Variants in DMD observed in about 807,000 individuals in gnomAD.
The protein encoded by DMD is dystrophin.
DMD carries 63 observed loss-of-function variants against 330.1 expected under a neutral mutation model. The ratio of observed to expected loss-of-function variants is 0.19; its 90% CI spans 0.16 to 0.24. The LOEUF (loss-of-function observed/expected upper bound fraction) is 0.24. Ranked by LOEUF, DMD falls within the 10% of genes least tolerant of loss-of-function variation. DMD has a pLI of 1.00. For missense variants in DMD, 3,344 were observed against 2,684.1 expected, an observed-to-expected ratio of 1.25 and a Z score of -5.43; for synonymous variants, 1,223 against 959.8, an observed-to-expected ratio of 1.27 and a Z score of -5.07.
At chrX:32,773,272 TTA>T (rs1169808066) in intron 7 of DMD, among the ~76,000 whole-genome samples, 1 of 111,564 alleles carries the variant, frequency 9.0e-6, no homozygotes, top group Non-Finnish European at 1.9e-5. Flanking sequence ...GTTAATTATT[TTA>T]GTTATTATGA....
intron 9 of DMD, among the ~76,000 whole-genome samples, chrX:32,668,510 G>C (rs371996314): frequency 8.9e-6 from 1 of 112,002 alleles, no homozygotes; most frequent in African/African-American, 3.2e-5. Flanking sequence ...TCGCATCTCT[G>C]CATTATTCAC....
intron 2 of DMD, among the ~76,000 whole-genome samples, chrX:33,008,284 G>T (rs1447871285): frequency 9.0e-6 from 1 of 111,488 alleles, no homozygotes; most frequent in African/African-American, 3.3e-5. Context: ...CCCTCCATGT[G>T]CATTACAAGA....
chrX:32,322,192 C>A (rs1384705545), intron 41 of DMD, among the ~76,000 whole-genome samples: 1 of 111,159 alleles, frequency 9.0e-6, no homozygotes, highest in Admixed American at 9.6e-5. Context: ...ATAATTAAAA[C>A]AATCATAATA....
At chrX:31,576,861 G>A (rs1266922711) in intron 55 of DMD, among the ~76,000 whole-genome samples, 4 of 108,986 alleles carry the variant, frequency 3.7e-5, no homozygotes, top group African/African-American at 6.7e-5. Context: ...GACTACAGGC[G>A]CCCACCACCA....
At chrX:32,596,133 C>T (rs765412414) in intron 12 of DMD, among the ~76,000 whole-genome samples, 1 of 110,424 alleles carries the variant, frequency 9.1e-6, no homozygotes, top group South Asian at 3.9e-4. Flanking sequence ...CCTTCTCATC[C>T]CACCCCCTTT....
In DMD at chrX:31,893,752, A is replaced by T. The variant is rs149470105; in HGVS notation, c.6913-18379T>A. 6.7e-3 allele frequency among the ~76,000 whole-genome samples: 748 copies of T among 110,924 alleles called. 5 individuals are homozygous for T. The highest frequency in any genetic ancestry group is 0.015 in the South Asian group (38 of 2,580). On this transcript the variant is annotated intron_variant, in intron 47 of 78. Coordinates refer to ENST00000357033, the MANE Select transcript of DMD (RefSeq NM_004006.3). Reference sequence around the variant, plus strand: ...GAGGGATTACACTAGTGCTGCATGCAGGGGAAGGGACAGTAACTAACAGAG... The same window carrying T: ...GAGGGATTACACTAGTGCTGCATGCTGGGGAAGGGACAGTAACTAACAGAG...
rs200045221 is a variant in DMD, at chrX:32,737,308, A to C, written c.650-38015T>G. Among the ~76,000 whole-genome samples, 3 of 111,584 alleles carry C rather than the reference A, an allele frequency of 2.7e-5. No individual in the cohort carries two copies. In the East Asian group the frequency reaches 8.4e-4, roughly 31 times the overall value. ...AAACTCCATTTTACCTTGAACACAA[A>C]GTAATGTGATTTAGTGTGAGGAAAG... On this transcript the variant is annotated intron_variant, in intron 7 of 78. Transcript: ENST00000357033.
chrX:32,738,149 G>A (rs990864470), intron 7 of DMD, among the ~76,000 whole-genome samples: 1 of 111,898 alleles, frequency 8.9e-6, no homozygotes, highest in East Asian at 2.8e-4. Context: ...AGGGTTACCA[G>A]TGACTTGGTT....
Position 31,929,596 on chromosome X carries a change from C to A in DMD, c.6912G>T (p.Lys2304Asn), listed in dbSNP as rs201598139. 1 of 1,208,888 alleles carries A rather than the reference C, an allele frequency of 8.3e-7. No individual in the cohort carries two copies. The highest frequency in any genetic ancestry group is 1.1e-6 in the Non-Finnish European group (1 of 894,788). Residue 2304 changes from lysine (K) to asparagine (N), a missense_variant and splice_region_variant, in exon 47 of 79, where the codon AAG becomes AAT. By Grantham distance (94) the Lys-to-Asn change is moderately conservative. Transcript: ENST00000357033. ...ACGGAAGAGATGGTTAATGTCTAAC[C>A]TTTATCCACTGGAGATTTGTCTGCT... The part of the protein sequence containing the change: ...KLKQTNLQWI[K>N]VSRALPEKQG...
In DMD at chrX:32,665,622, G is replaced by T. The variant is rs188598650; in HGVS notation, c.961-20470C>A. 7.2e-5 allele frequency among the ~76,000 whole-genome samples: 8 copies of T among 111,885 alleles called. No individual in the cohort carries two copies. In the Admixed American group the frequency reaches 7.6e-4, roughly 11 times the overall value. ...AAGAGCTGCCCTCAAGGAAATCATA[G>T]TCCAGTGGAGGAAACCTACAAGTAA... On this transcript the variant is annotated intron_variant, in intron 9 of 78. Coordinates refer to ENST00000357033, the MANE Select transcript of DMD (RefSeq NM_004006.3).
chrX:31,587,685 T>G (rs944133109), intron 55 of DMD, among the ~76,000 whole-genome samples: 1 of 111,579 alleles, frequency 9.0e-6, no homozygotes, highest in Non-Finnish European at 1.9e-5. Flanking sequence ...TCCTCTCACT[T>G]AGCTCCATTC....
At chrX:32,582,796 C>A (rs555821175) in intron 13 of DMD, among the ~76,000 whole-genome samples, 16 of 111,956 alleles carry the variant, frequency 1.4e-4, no homozygotes, top group African/African-American at 5.2e-4. Context: ...TCTTAGAGCG[C>A]TTACTTTAGG....
chrX:32,415,478 A>T (rs1464067835), intron 29 of DMD, among the ~76,000 whole-genome samples: 2 of 112,164 alleles, frequency 1.8e-5, no homozygotes, highest in Non-Finnish European at 3.8e-5. Flanking sequence ...TTCTATTTCT[A>T]AACATCTGAT....
intron 2 of DMD, among the ~76,000 whole-genome samples, chrX:32,966,650 G>T (rs2092167575): frequency 9.0e-6 from 1 of 111,448 alleles, no homozygotes; most frequent in South Asian, 3.8e-4. Flanking sequence ...ACCAAGCAAA[G>T]CACCAAACAG....
chrX:32,150,349 G>A lies in DMD; in HGVS notation c.6438+66567C>T, dbSNP rs1031435696. On this transcript the variant is annotated intron_variant, in intron 44 of 78. Coordinates refer to ENST00000357033, the MANE Select transcript of DMD (RefSeq NM_004006.3). ...ATGGAATGTAATACTGTGAAGAACT[G>A]ACAGCACCTGGCACATGAAAACATC... Among the ~76,000 whole-genome samples the A allele has an allele frequency of 3.6e-5, 4 of 112,347 alleles. No individual in the cohort carries two copies. In the East Asian group the frequency reaches 1.1e-3, roughly 31 times the overall value.
chrX:33,324,273 A>T (rs932659943), intron 1 of DMD, among the ~76,000 whole-genome samples: 1 of 110,893 alleles, frequency 9.0e-6, no homozygotes, highest in Non-Finnish European at 1.9e-5. Context: ...GCATGTCATC[A>T]GTGATAAAAT....
intron 44 of DMD, among the ~76,000 whole-genome samples, chrX:32,053,860 C>T (rs2096137644): frequency 9.0e-6 from 1 of 110,924 alleles, no homozygotes; most frequent in Admixed American, 9.7e-5. Flanking sequence ...GTTCCTCTCC[C>T]TAGTTCTGTA....
intron 44 of DMD, among the ~76,000 whole-genome samples, chrX:32,116,272 A>G (rs1159216608): frequency 8.9e-6 from 1 of 112,054 alleles, no homozygotes; most frequent in African/African-American, 3.2e-5. Context: ...TAGAGAAGCC[A>G]TGCCAATCCA....
In DMD at chrX:32,383,805, C is replaced by T. The variant is rs187586811; in HGVS notation, c.4674+2505G>A. 1.6e-4 allele frequency among the ~76,000 whole-genome samples: 18 copies of T among 110,108 alleles called. No homozygotes were observed. The East Asian group carries it at 5.1e-3, about 31-fold the overall frequency. On this transcript the variant is annotated intron_variant, in intron 33 of 78. Coordinates refer to ENST00000357033, the MANE Select transcript of DMD (RefSeq NM_004006.3). ...TCATTCATTTCTGAATAATAATCAA[C>T]TCAGGGCACTATTATTCGTCTAATG...
Sources: allele counts gnomAD v4.1 joint callset (sites outside exome capture counted in the v4.1 genomes callset), GRCh38; gene constraint gnomAD v4.1.1; transcripts MANE v1.5; gene names NCBI Gene and HGNC (gene_info 2026-07-23, HGNC 2026-07-21).